Variants in GBX1 observed in about 807,000 individuals in gnomAD.
The protein encoded by GBX1 is gastrulation brain homeobox 1, also known as homeobox protein GBX-1.
In GBX1, 9 loss-of-function variants were observed where a neutral mutation model predicts 22.9. The ratio of observed to expected loss-of-function variants is 0.39; its 90% CI spans 0.24 to 0.69. The LOEUF is 0.69. Among genes scored for constraint, GBX1 ranks in the 30% least tolerant of loss-of-function variants. The pLI is 0.43. For missense variants in GBX1, 494 were observed against 509.2 expected (o/e 0.97, Z 0.29); for synonymous variants, 203 against 227.3 (o/e 0.89, Z 0.96).
chr7:151,167,139 G>A lies in GBX1; in HGVS notation c.410C>T (p.Pro137Leu), dbSNP rs1801263538. Residue 137 changes from proline to leucine, a missense_variant, in exon 1 of 2, where the codon CCC becomes CTC. Physicochemically the swap from Pro to Leu is moderately conservative, Grantham distance 98. This residue lies in a region of GBX1 where 365 missense variants were observed against 340.4 expected (regional missense o/e 1.07). Coordinates refer to ENST00000297537, the MANE Select transcript of GBX1 (RefSeq NM_001098834.3). The surrounding 1 kb of genome is among the most constrained non-coding windows in gnomAD (Gnocchi z 5.9). ...CTCTGGGCGTCGGCCGCCTGGCTCG[G>A]GGTTGTTTCGGGCGGCAGTGGCGGC... ...AAAATAARNNPEPGGRRPEGG... is the reference protein window; with the variant it reads ...AAAATAARNNLEPGGRRPEGG... 1 of 1,602,430 alleles carries A rather than the reference G, an allele frequency of 6.2e-7. No homozygotes were observed. The highest frequency in any genetic ancestry group is 8.5e-7 in the Non-Finnish European group (1 of 1,176,238).
rs1425591362 is a variant in GBX1 at position 151,148,961 on chromosome 7, C to A, written c.720G>T (p.Leu240=). ...GTGCCCCCTCCTCAGCTCCAGTCCC[C>A]AGGCTTCCCTTTAGCTTCGGTTTAG... is the stretch of plus-strand genomic sequence containing the variant. ...LGPKPKLKGS[L]GTGAEEGAPV... is the part of the protein sequence containing the mutation. Residue 240 remains leucine, a synonymous_variant, in exon 2 of 2, where the codon CTG becomes CTT. Transcript: ENST00000297537. This position sits in a 1 kb window ranked among gnomAD's most constrained non-coding sequence, Gnocchi z 5.1. 6.2e-7 allele frequency: 1 copy of A among 1,614,066 alleles called. No individual in the cohort carries two copies.
chr7:151,166,939 C>T, intron 1 of GBX1, 72 bp downstream of exon 1: 3 of 1,502,858 alleles, frequency 2.0e-6, no homozygotes, highest in Non-Finnish European at 2.8e-6. Flanking sequence ...TGCCGAGGTT[C>T]CGAGCAGGTT....
Position 151,167,673 on chromosome 7 carries a change from G to C in GBX1, c.-125C>G. On this transcript the variant is annotated 5_prime_UTR_variant, in exon 1 of 2. Transcript: ENST00000297537. This position sits in a 1 kb window ranked among gnomAD's most constrained non-coding sequence, Gnocchi z 5.9. Reference sequence around the variant, plus strand: ...TGGCTCCCGGGCCGAGGTGGCGGCGGGGCGCGGGCTCGGCGCAGTGTGGCT... The same window carrying C: ...TGGCTCCCGGGCCGAGGTGGCGGCGCGGCGCGGGCTCGGCGCAGTGTGGCT... 1 of 1,002,958 alleles carries C rather than the reference G, an allele frequency of 1.0e-6. No individual in the cohort carries two copies. The highest frequency in any genetic ancestry group is 1.2e-6 in the Non-Finnish European group (1 of 816,980). The allele number at this position is 1,002,958 out of a possible 1,614,324, so 62.1% of individuals were successfully genotyped here.
intron 1 of GBX1, among the ~76,000 whole-genome samples, chr7:151,155,005 C>T (rs1175922254): frequency 6.6e-6 from 1 of 152,222 alleles, no homozygotes; most frequent in Non-Finnish European, 1.5e-5. Flanking sequence ...AGGAATTCAT[C>T]TAGCCCCTGT....
intron 1 of GBX1, among the ~76,000 whole-genome samples, chr7:151,149,619 G>T (rs756573681): frequency 1.3e-5 from 2 of 152,198 alleles, no homozygotes. Flanking sequence ...CCACTGGGGG[G>T]AGGAGTGAAG....
In GBX1 at chr7:151,167,656, G is replaced by C. The variant is rs1801276666; in HGVS notation, c.-108C>G. ...ACGCAGGGCTCGCTCCCTGGCTCCC[G>C]GGCCGAGGTGGCGGCGGGGCGCGGG... On this transcript the variant is annotated 5_prime_UTR_variant, in exon 1 of 2. Transcript: ENST00000297537. This position sits in a 1 kb window ranked among gnomAD's most constrained non-coding sequence, Gnocchi z 5.9. The C allele has an allele frequency of 2.7e-6, 3 of 1,111,620 alleles. No individual in the cohort carries two copies. The highest frequency in any genetic ancestry group is 3.3e-6 in the Non-Finnish European group (3 of 906,278). The allele number at this position is 1,111,620 out of a possible 1,614,324, so 68.9% of individuals were successfully genotyped here.
intron 1 of GBX1, among the ~76,000 whole-genome samples, chr7:151,162,229 A>C (rs1276724499): frequency 6.6e-6 from 1 of 152,194 alleles, no homozygotes; most frequent in African/African-American, 2.4e-5. Context: ...CACTTCCCCC[A>C]AAAATCTCCC....
intron 1 of GBX1, among the ~76,000 whole-genome samples, chr7:151,163,164 T>C (rs746130045): frequency 3.3e-5 from 5 of 152,026 alleles, no homozygotes; most frequent in Non-Finnish European, 7.4e-5. Context: ...ATAGCGTCCT[T>C]TTCACCCACT....
chr7:151,154,545 A>C (rs987406778), intron 1 of GBX1, among the ~76,000 whole-genome samples: 2 of 152,156 alleles, frequency 1.3e-5, no homozygotes, highest in Admixed American at 6.5e-5. Flanking sequence ...TCTGTGAAAA[A>C]CAGTTTGGCC....
intron 1 of GBX1, among the ~76,000 whole-genome samples, chr7:151,163,667 T>G (rs1219354308): frequency 6.6e-6 from 1 of 152,226 alleles, no homozygotes; most frequent in East Asian, 1.9e-4. Context: ...TTTACCTATT[T>G]TTATCTTTTT....
chr7:151,149,878 A>G (rs1278087347), intron 1 of GBX1: 10 of 455,388 alleles, frequency 2.2e-5, no homozygotes, highest in African/African-American at 1.2e-4. Context: ...TCCCCTTTCA[A>G]TCCTTACCCT....
chr7:151,156,288 G>A (rs1268318222), intron 1 of GBX1, among the ~76,000 whole-genome samples: 1 of 149,376 alleles, frequency 6.7e-6, no homozygotes, highest in Non-Finnish European at 1.5e-5. Flanking sequence ...TCGGGAGGCT[G>A]AGGTGGGAGA....
intron 1 of GBX1, among the ~76,000 whole-genome samples, chr7:151,157,447 C>T (rs1332043738): frequency 3.3e-5 from 5 of 152,212 alleles, no homozygotes; most frequent in Non-Finnish European, 7.3e-5. Flanking sequence ...GTACTATCTT[C>T]ATCTCTCTCT....
chr7:151,167,679 G>T lies in GBX1; in HGVS notation c.-131C>A. 2.1e-6 allele frequency: 2 copies of T among 956,300 alleles called. No homozygotes were observed. Among genetic ancestry groups the T allele is most frequent in the Non-Finnish European group, 2.6e-6 (2 of 778,108 alleles). The allele number at this position is 956,300 out of a possible 1,614,324, so 59.2% of individuals were successfully genotyped here. A position where few individuals can be genotyped will look rare whatever the true frequency, so the allele number is the denominator to read the frequency against. On this transcript the variant is annotated 5_prime_UTR_variant, in exon 1 of 2. Transcript: ENST00000297537. This position sits in a 1 kb window ranked among gnomAD's most constrained non-coding sequence, Gnocchi z 5.9. ...CCGGGCCGAGGTGGCGGCGGGGCGC[G>T]GGCTCGGCGCAGTGTGGCTCCGGCG... is the stretch of plus-strand genomic sequence containing the variant.
intron 1 of GBX1, among the ~76,000 whole-genome samples, chr7:151,151,865 C>T (rs771378199): frequency 1.2e-4 from 18 of 152,204 alleles, no homozygotes; most frequent in Admixed American, 2.0e-4. Context: ...GTCTGGAATA[C>T]ACTACTCTTC....
intron 1 of GBX1, among the ~76,000 whole-genome samples, chr7:151,152,828 A>G (rs1209962526): frequency 6.6e-6 from 1 of 152,062 alleles, no homozygotes; most frequent in East Asian, 1.9e-4. Context: ...CAGGTTCACA[A>G]CCTCTCTTGG....
rs562399874 is a variant in GBX1, at chr7:151,161,944, G to C, written c.538+5067C>G. On this transcript the variant is annotated intron_variant, in intron 1 of 1. Coordinates refer to ENST00000297537, the MANE Select transcript of GBX1 (RefSeq NM_001098834.3). The stretch of plus-strand genomic sequence containing the variant: ...GGAAACCAAAGCCTAGAGAAGTCAT[G>C]TGACTTTGAATCTCCCACTGTGTCT... Among the ~76,000 whole-genome samples, 58 of 152,310 alleles carry C rather than the reference G, an allele frequency of 3.8e-4. No individual in the cohort carries two copies. In the South Asian group the frequency reaches 4.6e-3, roughly 12 times the overall value.
chr7:151,153,387 T>A (rs1258070675), intron 1 of GBX1, among the ~76,000 whole-genome samples: 2 of 152,176 alleles, frequency 1.3e-5, no homozygotes, highest in Non-Finnish European at 2.9e-5. Context: ...AGTAGTGCAA[T>A]CCTTTACAAT....
rs944099857 is a variant in GBX1, at chr7:151,166,484, C to T, written c.538+527G>A. On this transcript the variant is annotated intron_variant, in intron 1 of 1. Transcript: ENST00000297537. The stretch of plus-strand genomic sequence containing the variant: ...CGGCTTTGAGACGCAACCCCCCCCC[C>T]CCAACACACACACACACACACACTC... 9.0e-4 allele frequency among the ~76,000 whole-genome samples: 113 copies of T among 125,812 alleles called. 2 individuals are homozygous for T. Among genetic ancestry groups the T allele is most frequent in the African/African-American group, 3.9e-3 (109 of 28,114 alleles). 82.5% of individuals were successfully genotyped at this position (125,812 alleles called of 152,430 possible).
Sources: gnomAD v4.1 joint callset for allele counts (sites outside exome capture counted in the v4.1 genomes callset) on GRCh38, gnomAD v4.1.1 for gene constraint, gnomAD v4.1.1 regional missense constraint, Gnocchi (gnomAD v3.1) non-coding constraint, MANE v1.5 for transcripts, NCBI Gene and HGNC (gene_info 2026-07-23, HGNC 2026-07-21) for gene names.